The following ZSCAN5A variants were observed in gnomAD, a reference collection of about 807,000 sequenced individuals.
The protein encoded by ZSCAN5A is zinc finger and SCAN domain containing 5A, also known as zinc finger and SCAN domain-containing protein 5A.
Under a neutral mutation model 23.7 loss-of-function variants are expected in ZSCAN5A, and 12 were observed. The ratio of observed to expected loss-of-function variants is 0.51; its 90% confidence interval spans 0.32 to 0.82. The LOEUF is 0.82. Ranked by LOEUF, ZSCAN5A falls within the 40% of genes least tolerant of loss-of-function variation. The probability of loss-of-function intolerance (pLI) is 0.03; values close to 1 mark genes in which losing one functional copy is unlikely to be tolerated. For synonymous variants in ZSCAN5A, 257 were observed against 239.9 expected (o/e 1.07, Z -0.66); for missense variants, 597 against 617.9 (o/e 0.97, Z 0.36).
At chr19:56,241,774 C>A (rs2035443805) in intron 2 of ZSCAN5A, among the ~76,000 whole-genome samples, 1 of 152,218 alleles carries the variant, frequency 6.6e-6, no homozygotes, top group Non-Finnish European at 1.5e-5. Flanking sequence ...CTCACTGCTA[C>A]TATGAGTCCA....
intron 2 of ZSCAN5A, among the ~76,000 whole-genome samples, chr19:56,233,010 C>T (rs2034595529): frequency 6.6e-6 from 1 of 151,714 alleles, no homozygotes; most frequent in Admixed American, 6.6e-5. Context: ...GACTTTATTC[C>T]AAAAAAAATG....
chr19:56,360,716 AT>A (rs2041728901), intron 2 of ZSCAN5A, among the ~76,000 whole-genome samples: 2 of 152,062 alleles, frequency 1.3e-5, no homozygotes. Context: ...TAAAAAAAAA[AT>A]AAAAACTATA....
intron 2 of ZSCAN5A, among the ~76,000 whole-genome samples, chr19:56,264,849 C>T (rs529952104): frequency 5.3e-4 from 81 of 152,256 alleles, no homozygotes; most frequent in African/African-American, 1.6e-3. Context: ...GGGCTGGGCG[C>T]GGTGGCTCAT....
chr19:56,246,801 C>T, intron 2 of ZSCAN5A: 1 of 1,609,768 alleles, frequency 6.2e-7, no homozygotes, highest in Non-Finnish European at 8.5e-7. Context: ...TGGATGCTGA[C>T]ACACCTTCTG....
intron 2 of ZSCAN5A, among the ~76,000 whole-genome samples, chr19:56,310,860 T>C (rs547808873): frequency 4.6e-5 from 7 of 152,314 alleles, no homozygotes; most frequent in East Asian, 1.9e-4. Context: ...CACCCCTTAA[T>C]AGATATGCAG....
intron 2 of ZSCAN5A, chr19:56,296,169 AG>A (rs2039858566): frequency 6.6e-6 from 1 of 152,594 alleles, no homozygotes; most frequent in Non-Finnish European, 1.5e-5. Context: ...TGTGTGGCAC[AG>A]GGGGGAGGTG....
intron 2 of ZSCAN5A, among the ~76,000 whole-genome samples, chr19:56,325,711 A>T (rs2041425849): frequency 6.7e-6 from 1 of 149,510 alleles, no homozygotes; most frequent in Non-Finnish European, 1.5e-5. Flanking sequence ...TAGATTAGTG[A>T]GGCAGATATA....
At chr19:56,289,197 G>A (rs1229519396) in intron 2 of ZSCAN5A, among the ~76,000 whole-genome samples, 3 of 152,210 alleles carry the variant, frequency 2.0e-5, no homozygotes, top group Non-Finnish European at 4.4e-5. Context: ...CTAAGGGTCT[G>A]AGAGCTGCAT....
chr19:56,324,205 A>G (rs2041411616), intron 2 of ZSCAN5A, among the ~76,000 whole-genome samples: 1 of 152,174 alleles, frequency 6.6e-6, no homozygotes. Context: ...GCTCCCACAT[A>G]TGAGTGAGAA....
chr19:56,247,001 GC>G, intron 2 of ZSCAN5A: 1 of 1,219,280 alleles, frequency 8.2e-7, no homozygotes, highest in Non-Finnish European at 1.2e-6. Flanking sequence ...TATTCCCCAG[GC>G]CCTGCAGGTG....
Position 56,302,064 on chromosome 19 carries a change from A to G in ZSCAN5A, c.-128+11219T>C, listed in dbSNP as rs908571623. The stretch of plus-strand genomic sequence containing the variant: ...AAATGCGCCTACATGGTGATGACCT[A>G]CCTCTTCGTATCCTACAACAAAGGG... On this transcript the variant is annotated intron_variant, in intron 2 of 5. Transcript: ENST00000683990. 3.2e-6 allele frequency: 4 copies of G among 1,231,646 alleles called. No homozygotes were observed. The African/African-American group carries it at 4.7e-5, about 14-fold the overall frequency. The allele number at this position is 1,231,646 out of a possible 1,614,324, so 76.3% of individuals were successfully genotyped here.
intron 2 of ZSCAN5A, among the ~76,000 whole-genome samples, chr19:56,257,285 C>G (rs572481048): frequency 7.9e-5 from 12 of 152,212 alleles, no homozygotes; most frequent in African/African-American, 2.4e-4. Context: ...CGTTAGAATC[C>G]CTGGAACCAG....
chr19:56,330,801 C>T (rs1168809447), intron 2 of ZSCAN5A, among the ~76,000 whole-genome samples: 1 of 151,966 alleles, frequency 6.6e-6, no homozygotes, highest in Non-Finnish European at 1.5e-5. Flanking sequence ...TTATTAGTTT[C>T]GTTTGCTGTG....
chr19:56,285,680 T>C (rs764282219), intron 2 of ZSCAN5A, among the ~76,000 whole-genome samples: 2 of 152,168 alleles, frequency 1.3e-5, no homozygotes, highest in Admixed American at 6.5e-5. Context: ...AGAATTTCAC[T>C]ATGTCGGCCA....
At chr19:56,322,609 A>G (rs1418246993) in intron 2 of ZSCAN5A, among the ~76,000 whole-genome samples, 1 of 152,154 alleles carries the variant, frequency 6.6e-6, no homozygotes, top group Admixed American at 6.5e-5. Flanking sequence ...TCCCTGCCCA[A>G]TCTATCTCTC....
chr19:56,230,400 A>C (rs550534710), intron 2 of ZSCAN5A, among the ~76,000 whole-genome samples: 1 of 152,308 alleles, frequency 6.6e-6, no homozygotes, highest in African/African-American at 2.4e-5. Flanking sequence ...TATTATTATT[A>C]ACAAAGGTCA....
chr19:56,287,822 G>A (rs2039240853), intron 2 of ZSCAN5A, among the ~76,000 whole-genome samples: 1 of 152,154 alleles, frequency 6.6e-6, no homozygotes, highest in African/African-American at 2.4e-5. Flanking sequence ...ATCAGCCAAT[G>A]AATTTCCAAG....
chr19:56,274,557 G>T (rs1176509179), intron 2 of ZSCAN5A: 1 of 151,902 alleles, frequency 6.6e-6, no homozygotes, highest in Non-Finnish European at 1.5e-5. Flanking sequence ...CAAAAATTAA[G>T]TTTCTGAATA....
In ZSCAN5A at chr19:56,363,243, C is replaced by T. The variant is rs542960391; in HGVS notation, c.-366G>A. On this transcript the variant is annotated 5_prime_UTR_variant, in exon 2 of 7. Coordinates refer to the ZSCAN5A transcript ENST00000587340. ...CTCTTAGAAACACTCACCTCTATTA[C>T]TCAGATTACACATTTGCCAGATAAG... The T allele has an allele frequency of 3.9e-5, 6 of 152,358 alleles. No individual in the cohort carries two copies. In the East Asian group the frequency reaches 1.2e-3, roughly 29 times the overall value. The allele number at this position is 152,358 out of a possible 1,614,324, so 9.4% of individuals were successfully genotyped here. A position where few individuals can be genotyped will look rare whatever the true frequency, so the allele number is the denominator to read the frequency against.
Sources: allele counts gnomAD v4.1 joint callset (sites outside exome capture counted in the v4.1 genomes callset), GRCh38; gene constraint gnomAD v4.1.1; transcripts MANE v1.5; gene names NCBI Gene and HGNC (gene_info 2026-07-23, HGNC 2026-07-21).